The following FHIT variants were observed in gnomAD, a reference collection of about 807,000 sequenced individuals.
The protein encoded by FHIT is fragile histidine triad diadenosine triphosphatase.
A neutral mutation model predicts 17.9 loss-of-function variants in FHIT; 19 were observed. The observed-to-expected ratio is 1.06, with a 90% CI of 0.74 to 1.56. The LOEUF is 1.56. Ranked by LOEUF, FHIT falls within the 40% of genes most tolerant of loss-of-function variation. The pLI, the probability that FHIT is intolerant of heterozygous loss-of-function variation, is 0.00. For missense variants in FHIT, 248 were observed against 189.2 expected (o/e 1.31, Z -1.82); for synonymous variants, 81 against 69.7 (o/e 1.16, Z -0.81).
intron 3 of FHIT, among the ~76,000 whole-genome samples, chr3:60,939,371 T>C (rs544800947): frequency 3.9e-5 from 6 of 152,234 alleles, no homozygotes; most frequent in African/African-American, 1.4e-4. Flanking sequence ...CAGAGTTGAG[T>C]AGTTGTGACC....
chr3:60,005,165 T>A (rs1699874545), intron 7 of FHIT, among the ~76,000 whole-genome samples: 1 of 152,154 alleles, frequency 6.6e-6, no homozygotes, highest in Non-Finnish European at 1.5e-5. Flanking sequence ...TCTCATCTCT[T>A]TCACCTTAGC....
rs78328482 is a variant in FHIT, at chr3:60,397,594, A to G, written c.103+139266T>C. ...TTCTTCAGCCAGTTATGCTCCCACA[A>G]CAAGAGACCTCAGTGGCCCATTTTT... On this transcript the variant is annotated intron_variant, in intron 5 of 9. Transcript: ENST00000492590. Among the ~76,000 whole-genome samples, 1,015 of 152,320 alleles carry G rather than the reference A, an allele frequency of 6.7e-3. 17 individuals carry two copies. Among genetic ancestry groups the G allele is most frequent in the African/African-American group, 0.023 (951 of 41,574 alleles).
At chr3:60,046,437 A>G (rs1345853961) in intron 5 of FHIT, among the ~76,000 whole-genome samples, 1 of 152,220 alleles carries the variant, frequency 6.6e-6, no homozygotes, top group Non-Finnish European at 1.5e-5. Context: ...ACAAGCTGGA[A>G]TTGAAGAGGG....
chr3:60,268,290 T>A (rs9839805), intron 5 of FHIT, among the ~76,000 whole-genome samples: 38,724 of 152,150 alleles, frequency 0.25, 5,638 homozygotes, highest in East Asian at 0.68. Context: ...TTGGGATAAT[T>A]TGCAATTTTC....
intron 5 of FHIT, among the ~76,000 whole-genome samples, chr3:60,078,839 A>G (rs1703148978): frequency 6.6e-6 from 1 of 152,156 alleles, no homozygotes; most frequent in East Asian, 1.9e-4. Flanking sequence ...GAAGTAAGTA[A>G]AGTATTAATA....
chr3:60,461,728 A>G (rs925108513), intron 5 of FHIT, among the ~76,000 whole-genome samples: 1 of 152,192 alleles, frequency 6.6e-6, no homozygotes, highest in African/African-American at 2.4e-5. Flanking sequence ...ATAGCCTTAG[A>G]AAGCAGACCA....
intron 5 of FHIT, among the ~76,000 whole-genome samples, chr3:60,264,248 C>T (rs763392277): frequency 2.7e-4 from 41 of 152,090 alleles, no homozygotes; most frequent in Non-Finnish European, 5.0e-4. Context: ...AAACATAATA[C>T]TTCTCAAGTA....
At chr3:60,981,486 A>G (rs928460901) in intron 3 of FHIT, among the ~76,000 whole-genome samples, 1 of 151,150 alleles carries the variant, frequency 6.6e-6, no homozygotes, top group Non-Finnish European at 1.5e-5. Context: ...TTTAAAATAT[A>G]TTTTCGTAGA....
intron 4 of FHIT, among the ~76,000 whole-genome samples, chr3:60,547,260 A>G (rs2036398358): frequency 6.6e-6 from 1 of 152,196 alleles, no homozygotes; most frequent in African/African-American, 2.4e-5. Flanking sequence ...ACTGCTTCTT[A>G]GCAAATATGG....
At chr3:60,349,705 C>T (rs1466881570) in intron 5 of FHIT, among the ~76,000 whole-genome samples, 1 of 152,088 alleles carries the variant, frequency 6.6e-6, no homozygotes, top group Non-Finnish European at 1.5e-5. Context: ...ATTCAAAGAT[C>T]AATATTTCCT....
intron 5 of FHIT, among the ~76,000 whole-genome samples, chr3:60,413,555 T>C (rs1192762633): frequency 6.6e-6 from 1 of 152,192 alleles, no homozygotes; most frequent in Non-Finnish European, 1.5e-5. Flanking sequence ...GTTAGGTAAA[T>C]TGACCACTGT....
intron 5 of FHIT, among the ~76,000 whole-genome samples, chr3:60,405,125 C>A (rs1701804180): frequency 6.6e-6 from 1 of 152,166 alleles, no homozygotes; most frequent in Non-Finnish European, 1.5e-5. Context: ...CACTTCCAAG[C>A]CAAAGACAGT....
chr3:59,909,445 T>C (rs1360058967), intron 8 of FHIT, among the ~76,000 whole-genome samples: 1 of 152,170 alleles, frequency 6.6e-6, no homozygotes, highest in Admixed American at 6.5e-5. Context: ...TTCTCCTGCC[T>C]CAGCCTCCTG....
chr3:60,168,193 T>C (rs546252631), intron 5 of FHIT, among the ~76,000 whole-genome samples: 6 of 152,254 alleles, frequency 3.9e-5, no homozygotes, highest in African/African-American at 9.6e-5. Flanking sequence ...CTTGAAAGAA[T>C]TGCCTGTTGG....
At chr3:60,430,587 CTCTTA>C (rs958937297) in intron 5 of FHIT, among the ~76,000 whole-genome samples, 2 of 152,030 alleles carry the variant, frequency 1.3e-5, no homozygotes, top group African/African-American at 2.4e-5. Flanking sequence ...GCATTTTATT[CTCTTA>C]TATCATTCTC....
In FHIT at chr3:60,474,557, T is replaced by G. The variant is rs567664070; in HGVS notation, c.103+62303A>C. On this transcript the variant is annotated intron_variant, in intron 5 of 9. Transcript: ENST00000492590. ...ATTAGGCAAGAAATCATTAACTACA[T>G]TTTCAAAACAGTAGAAGTAAAGCTT... 1.1e-4 allele frequency among the ~76,000 whole-genome samples: 16 copies of G among 152,306 alleles called. No individual in the cohort carries two copies. In the South Asian group the frequency reaches 2.9e-3, roughly 28 times the overall value.
At chr3:60,504,078 G>A (rs182426714) in intron 5 of FHIT, among the ~76,000 whole-genome samples, 2 of 152,116 alleles carry the variant, frequency 1.3e-5, no homozygotes, top group African/African-American at 4.8e-5. Flanking sequence ...AAAGAATTGT[G>A]AAGTATATTC....
chr3:59,962,023 C>G (rs1291161724), intron 7 of FHIT, among the ~76,000 whole-genome samples: 1 of 152,158 alleles, frequency 6.6e-6, no homozygotes. Context: ...AAGGAATCCT[C>G]AAAATACAGC....
At chr3:60,990,309 G>C (rs1246721145) in intron 3 of FHIT, among the ~76,000 whole-genome samples, 1 of 152,208 alleles carries the variant, frequency 6.6e-6, no homozygotes, top group African/African-American at 2.4e-5. Context: ...AAATGCCAAA[G>C]TGGCAGCTTG....
Sources: gnomAD v4.1 joint callset for allele counts (sites outside exome capture counted in the v4.1 genomes callset) on GRCh38, gnomAD v4.1.1 for gene constraint, MANE v1.5 for transcripts, NCBI Gene and HGNC (gene_info 2026-07-23, HGNC 2026-07-21) for gene names.